The following DAB1 variants were observed in gnomAD, a reference collection of about 807,000 sequenced individuals.
DAB1 encodes the protein DAB adaptor protein 1, also known as disabled homolog 1.
Under a neutral mutation model 64.6 loss-of-function variants are expected in DAB1, and 15 were observed. That is an observed-to-expected ratio of 0.23 (90% CI 0.16 to 0.36). The LOEUF (loss-of-function observed/expected upper bound fraction) is 0.36. Among genes scored for constraint, DAB1 ranks in the 10% least tolerant of loss-of-function variants. The pLI is 1.00. For synonymous variants in DAB1, 235 were observed against 251.9 expected (o/e 0.93, Z 0.64); for missense variants, 596 against 706.7 (o/e 0.84, Z 1.78).
chr1:58,379,765 G>A (rs1213905186), intron 3 of DAB1, among the ~76,000 whole-genome samples: 1 of 152,206 alleles, frequency 6.6e-6, no homozygotes, highest in African/African-American at 2.4e-5. Flanking sequence ...AAGCTGGGAT[G>A]AGTACTGTGG....
intron 9 of DAB1, among the ~76,000 whole-genome samples, chr1:57,038,379 T>G (rs962149904): frequency 6.6e-6 from 1 of 152,224 alleles, no homozygotes; most frequent in Non-Finnish European, 1.5e-5. Flanking sequence ...GATTCATGTT[T>G]CAAATGGAAA....
At chr1:58,106,166 C>G (rs1445807367) in intron 5 of DAB1, among the ~76,000 whole-genome samples, 1 of 141,410 alleles carries the variant, frequency 7.1e-6, no homozygotes, top group Non-Finnish European at 1.5e-5. Context: ...TCTTTCTTTC[C>G]TTTCTTCCTC....
chr1:57,036,660 A>G (rs2100454183), intron 9 of DAB1, among the ~76,000 whole-genome samples: 1 of 152,302 alleles, frequency 6.6e-6, no homozygotes, highest in East Asian at 1.9e-4. Context: ...ATACTATCAT[A>G]GCATGTACAC....
chr1:57,700,320 C>A (rs528291997), intron 6 of DAB1, among the ~76,000 whole-genome samples: 1 of 152,134 alleles, frequency 6.6e-6, no homozygotes, highest in Non-Finnish European at 1.5e-5. Context: ...AAAACAAAAA[C>A]CTTGGTAACA....
chr1:57,814,384 C>G (rs1002099643), intron 6 of DAB1, among the ~76,000 whole-genome samples: 3 of 152,156 alleles, frequency 2.0e-5, no homozygotes, highest in Non-Finnish European at 4.4e-5. Context: ...TACATATGGG[C>G]TCAAGAAGCT....
In DAB1 at chr1:58,274,762, C is replaced by T. The variant is rs376518312; in HGVS notation, n.309+68590G>A. Among the ~76,000 whole-genome samples the T allele has an allele frequency of 4.2e-3, 642 of 152,090 alleles. 4 individuals are homozygous for T. Among genetic ancestry groups the T allele is most frequent in the African/African-American group, 0.015 (616 of 41,484 alleles). ...GCGCAATATTCGGGTGGGAGTGACC[C>T]GATTTTCCAGGTGCGTCCGTCACTC... On this transcript the variant is annotated intron_variant and non_coding_transcript_variant, in intron 4 of 20. Coordinates refer to the DAB1 transcript ENST00000485760.
At chr1:58,092,327 C>T (rs1019594652) in intron 5 of DAB1, among the ~76,000 whole-genome samples, 6 of 127,870 alleles carry the variant, frequency 4.7e-5, no homozygotes, top group Admixed American at 7.9e-5. Flanking sequence ...AGCAAGACTC[C>T]GTCTCAAAAA....
intron 4 of DAB1, among the ~76,000 whole-genome samples, chr1:58,307,199 C>A (rs954583982): frequency 6.6e-6 from 1 of 152,194 alleles, no homozygotes; most frequent in Non-Finnish European, 1.5e-5. Context: ...AAATTACTCA[C>A]CATAAGGCAA....
intron 5 of DAB1, among the ~76,000 whole-genome samples, chr1:58,067,089 A>C (rs1397852391): frequency 2.0e-5 from 3 of 152,182 alleles, no homozygotes; most frequent in Non-Finnish European, 4.4e-5. Context: ...TTCCACAAGC[A>C]TCAGACCCTC....
chr1:57,495,365 T>C (rs1644218106), intron 7 of DAB1, among the ~76,000 whole-genome samples: 1 of 152,230 alleles, frequency 6.6e-6, no homozygotes, highest in Non-Finnish European at 1.5e-5. Flanking sequence ...GATGCATTTG[T>C]ATCCAAATAT....
intron 6 of DAB1, among the ~76,000 whole-genome samples, chr1:57,772,257 A>C (rs1481977647): frequency 3.9e-5 from 6 of 152,036 alleles, no homozygotes; most frequent in African/African-American, 1.4e-4. Context: ...CTCTCACCAG[A>C]CCCTTGCATC....
intron 5 of DAB1, among the ~76,000 whole-genome samples, chr1:58,015,474 C>A (rs1173449586): frequency 6.6e-6 from 1 of 152,148 alleles, no homozygotes. Flanking sequence ...CTACCTTTGG[C>A]CTTAACGAGA....
At chr1:57,108,592 T>C (rs1156280580) in intron 4 of DAB1, among the ~76,000 whole-genome samples, 3 of 152,170 alleles carry the variant, frequency 2.0e-5, no homozygotes, top group African/African-American at 4.8e-5. Flanking sequence ...CAGGGCATCG[T>C]CTTGCTTAAG....
At chr1:57,696,512 G>A (rs1570747312) in intron 6 of DAB1, among the ~76,000 whole-genome samples, 1 of 151,612 alleles carries the variant, frequency 6.6e-6, no homozygotes, top group South Asian at 2.1e-4. Flanking sequence ...AGACAGTGTG[G>A]AAAACAACTC....
intron 1 of DAB1, among the ~76,000 whole-genome samples, chr1:57,393,053 A>G (rs1193798989): frequency 2.0e-5 from 3 of 152,174 alleles, no homozygotes; most frequent in African/African-American, 7.2e-5. Flanking sequence ...GAAAGTAAAC[A>G]TTGTATATAT....
At chr1:57,848,462 T>A (rs905739353) in intron 1 of DAB1, among the ~76,000 whole-genome samples, 55 of 152,224 alleles carry the variant, frequency 3.6e-4, no homozygotes, top group African/African-American at 1.3e-3. Context: ...GTAAATATAG[T>A]AATGTAATAT....
chr1:57,264,696 C>CT (rs1244763551), intron 2 of DAB1, among the ~76,000 whole-genome samples: 3 of 152,012 alleles, frequency 2.0e-5, no homozygotes, highest in African/African-American at 7.3e-5. Flanking sequence ...TCGTGATCTC[C>CT]CCACCCTCCC....
chr1:57,227,529 G>GTGTA (rs1480323554), intron 2 of DAB1, among the ~76,000 whole-genome samples: 1 of 132,080 alleles, frequency 7.6e-6, no homozygotes, highest in Non-Finnish European at 1.5e-5. Context: ...TTGTGTGTGT[G>GTGTA]TGTGTGTGTG....
rs574380675 is a variant in DAB1 at position 57,504,904 on chromosome 1, C to T, written n.625+144688G>A. ...ATTTGAGTGATATGCCACAAAATGC[C>T]TCAGCAGAACTCCTTTAAATTGTTA... On this transcript the variant is annotated intron_variant and non_coding_transcript_variant, in intron 7 of 20. Transcript: ENST00000485760. Among the ~76,000 whole-genome samples, 8 of 152,178 alleles carry T rather than the reference C, an allele frequency of 5.3e-5. 1 individual carries two copies. In the South Asian group the frequency reaches 1.0e-3, roughly 20 times the overall value.
Sources: gnomAD v4.1 joint callset for allele counts (sites outside exome capture counted in the v4.1 genomes callset) on GRCh38, gnomAD v4.1.1 for gene constraint, MANE v1.5 for transcripts, NCBI Gene and HGNC (gene_info 2026-07-23, HGNC 2026-07-21) for gene names.